The following RBFOX3 variants were observed in gnomAD, a reference collection of about 807,000 sequenced individuals.
RBFOX3 encodes the protein RNA binding fox-1 homolog 3, also known as RNA binding protein fox-1 homolog 3.
A neutral mutation model predicts 48.7 loss-of-function variants in RBFOX3; 17 were observed. The ratio of observed to expected loss-of-function variants is 0.35; its 90% confidence interval spans 0.24 to 0.52. RBFOX3 has a LOEUF of 0.52. Among genes scored for constraint, RBFOX3 ranks in the 20% least tolerant of loss-of-function variants. RBFOX3 has a pLI of 0.94. For synonymous variants in RBFOX3, 212 were observed against 209.5 expected, an observed-to-expected ratio of 1.01 and a Z score of -0.10; for missense variants, 382 against 497.5, an observed-to-expected ratio of 0.77 and a Z score of 2.21.
At chr17:79,504,895 G>A (rs1219050022) in intron 1 of RBFOX3, among the ~76,000 whole-genome samples, 1 of 152,322 alleles carries the variant, frequency 6.6e-6, no homozygotes, top group East Asian at 1.9e-4. Flanking sequence ...CGTGCGTGAG[G>A]GATGAGATGG....
In RBFOX3 at chr17:79,423,735, C is replaced by G. The variant is rs1431659458; in HGVS notation, c.-175+58719G>C. The G allele has an allele frequency of 6.5e-6, 1 of 153,702 alleles. No homozygotes were observed. Among genetic ancestry groups the G allele is most frequent in the Non-Finnish European group, 1.5e-5 (1 of 68,056 alleles). The allele number at this position is 153,702 out of a possible 1,614,324, so 9.5% of individuals were successfully genotyped here. A position where few individuals can be genotyped will look rare whatever the true frequency, so the allele number is the denominator to read the frequency against. Reference sequence around the variant, plus strand: ...TTCAAGGAACGGACAAGGAACAAGCCCAGTGGAGTCGCTGCTGGGCAGGGC... The same window carrying G: ...TTCAAGGAACGGACAAGGAACAAGCGCAGTGGAGTCGCTGCTGGGCAGGGC... On this transcript the variant is annotated intron_variant, in intron 2 of 14. Transcript: ENST00000693108. This position sits in a 1 kb window ranked among gnomAD's most constrained non-coding sequence, Gnocchi z 4.9.
chr17:79,323,732 C>T (rs771765503), intron 2 of RBFOX3, among the ~76,000 whole-genome samples: 3 of 152,194 alleles, frequency 2.0e-5, no homozygotes, highest in Non-Finnish European at 4.4e-5. Context: ...GAGATGGCTG[C>T]GTGCCGAGAG....
intron 3 of RBFOX3, among the ~76,000 whole-genome samples, chr17:79,290,940 G>GCAGCT (rs140791873): frequency 4.6e-5 from 7 of 152,336 alleles, no homozygotes; most frequent in South Asian, 2.1e-4. Context: ...GCTGCAGCAG[G>GCAGCT]CAGCTCAGCT....
intron 4 of RBFOX3, among the ~76,000 whole-genome samples, chr17:79,139,704 C>T (rs1174122533): frequency 3.3e-5 from 5 of 152,138 alleles, no homozygotes; most frequent in Non-Finnish European, 7.4e-5. Context: ...TGCCCACCAC[C>T]AACCGCGAAA....
At chr17:79,660,770 C>T in the RBFOX3 span, among the ~76,000 whole-genome samples, 2 of 152,150 alleles carry the variant, frequency 1.3e-5, no homozygotes, top group African/African-American at 4.8e-5. Context: ...CCAGCAATCC[C>T]ATTACTGAGT....
At chr17:79,439,767 C>A (rs182242817) in intron 2 of RBFOX3, among the ~76,000 whole-genome samples, 1 of 152,358 alleles carries the variant, frequency 6.6e-6, no homozygotes, top group African/African-American at 2.4e-5. Context: ...AGTGCAAGTA[C>A]ATGCATGCAC....
chr17:79,580,965 C>T (rs1335814753), intron 1 of RBFOX3, among the ~76,000 whole-genome samples: 1 of 152,096 alleles, frequency 6.6e-6, no homozygotes, highest in African/African-American at 2.4e-5. Flanking sequence ...AACACCAGTG[C>T]GGCCAGGTGC....
chr17:79,229,912 G>A (rs1029185409), intron 4 of RBFOX3, among the ~76,000 whole-genome samples: 7 of 152,238 alleles, frequency 4.6e-5, no homozygotes, highest in Admixed American at 2.0e-4. Context: ...TTGTACGGAT[G>A]ACATGGGACG....
rs374011824 is a variant in RBFOX3 at position 79,262,307 on chromosome 17, A to G, written c.-73-26502T>C. 4.0e-4 allele frequency among the ~76,000 whole-genome samples: 61 copies of G among 152,324 alleles called. No individual in the cohort carries two copies. In the East Asian group the frequency reaches 4.5e-3, roughly 11 times the overall value. ...CCCGCAGCCATGGGGGGCCCCGGAC[A>G]GGGGCTGTGGGTAGGAAAGGGGTGG... is the stretch of plus-strand genomic sequence containing the variant. On this transcript the variant is annotated intron_variant, in intron 3 of 14. Transcript: ENST00000693108.
chr17:79,489,977 C>T (rs1159728549), intron 1 of RBFOX3, among the ~76,000 whole-genome samples: 1 of 152,126 alleles, frequency 6.6e-6, no homozygotes, highest in Non-Finnish European at 1.5e-5. Flanking sequence ...AAGAGAAAAA[C>T]AACACAGAGC....
In RBFOX3 at chr17:79,129,947, A is replaced by T. The variant is rs181077610; in HGVS notation, c.-33-14199T>A. 9.3e-4 allele frequency among the ~76,000 whole-genome samples: 142 copies of T among 152,174 alleles called. 1 individual carries two copies. The highest frequency in any genetic ancestry group is 3.4e-3 in the Middle Eastern group (1 of 294). On this transcript the variant is annotated intron_variant, in intron 4 of 14. Coordinates refer to ENST00000693108, the MANE Select transcript of RBFOX3 (RefSeq NM_001350451.2). Reference sequence around the variant, plus strand: ...AGCAAGAGGTCTAGGGAGGCCCAGGAATGGGGGCTGGTGAGCAAATGGGAG... The same window carrying T: ...AGCAAGAGGTCTAGGGAGGCCCAGGTATGGGGGCTGGTGAGCAAATGGGAG...
chr17:79,100,975 C>T (rs1332713264), intron 9 of RBFOX3, among the ~76,000 whole-genome samples: 1 of 152,176 alleles, frequency 6.6e-6, no homozygotes, highest in Non-Finnish European at 1.5e-5. Flanking sequence ...CAAAAAGCCC[C>T]AGGAAGGCAG....
chr17:79,458,017 C>T (rs2074804639), intron 2 of RBFOX3, among the ~76,000 whole-genome samples: 1 of 152,224 alleles, frequency 6.6e-6, no homozygotes, highest in South Asian at 2.1e-4. Flanking sequence ...TCCCCAAGTC[C>T]CTTGACCTCG....
chr17:79,412,461 A>G (rs2064561607), intron 2 of RBFOX3, among the ~76,000 whole-genome samples: 1 of 151,314 alleles, frequency 6.6e-6, no homozygotes, highest in South Asian at 2.1e-4. Flanking sequence ...CGTATTGTGT[A>G]TGTGTGTGCA....
intron 1 of RBFOX3, among the ~76,000 whole-genome samples, chr17:79,605,055 T>G (rs2093795836): frequency 6.6e-6 from 1 of 152,196 alleles, no homozygotes; most frequent in Admixed American, 6.5e-5. Flanking sequence ...TGAGAAGGAC[T>G]GCAGTCCATG....
chr17:79,622,136 C>T, the RBFOX3 span, among the ~76,000 whole-genome samples: 1 of 152,036 alleles, frequency 6.6e-6, no homozygotes, highest in Admixed American at 6.6e-5. Flanking sequence ...CAGCCATGCA[C>T]ATGTTACTAG....
At chr17:79,182,312 C>A (rs2052194634) in intron 4 of RBFOX3, among the ~76,000 whole-genome samples, 1 of 152,176 alleles carries the variant, frequency 6.6e-6, no homozygotes, top group Non-Finnish European at 1.5e-5. Flanking sequence ...GAAAACAAGG[C>A]AGACGCCACA....
In RBFOX3 at chr17:79,421,421, CA is replaced by C. The variant is rs2066353355; in HGVS notation, c.-175+61032del. Among the ~76,000 whole-genome samples the C allele has an allele frequency of 6.6e-6, 1 of 152,158 alleles. No homozygotes were observed. Among genetic ancestry groups the C allele is most frequent in the African/African-American group, 2.4e-5 (1 of 41,450 alleles). On this transcript the variant is annotated intron_variant, in intron 2 of 14. Coordinates refer to ENST00000693108, the MANE Select transcript of RBFOX3 (RefSeq NM_001350451.2). The surrounding 1 kb of genome is among the most constrained non-coding windows in gnomAD (Gnocchi z 4.5). ...AAGGAGGCTGGGCCTGGCTGCCTGC[CA>C]AGCCTAGGGGCCTCTCCAGAGCCCA...
chr17:79,505,675 G>A (rs906974118), intron 1 of RBFOX3, among the ~76,000 whole-genome samples: 45 of 152,328 alleles, frequency 3.0e-4, no homozygotes, highest in Middle Eastern at 6.8e-3. Context: ...TGAGCCTGGA[G>A]GTGTCTGGGA....
Sources: allele counts gnomAD v4.1 joint callset (sites outside exome capture counted in the v4.1 genomes callset), GRCh38; gene constraint gnomAD v4.1.1; non-coding constraint Gnocchi (gnomAD v3.1); transcripts MANE v1.5; gene names NCBI Gene and HGNC (gene_info 2026-07-23, HGNC 2026-07-21).